DLG2: variants seen among roughly 807,000 people sequenced by gnomAD.
DLG2 encodes the protein disks large homolog 2.
In DLG2, 45 loss-of-function variants were observed where a neutral mutation model predicts 132.5. The ratio of observed to expected loss-of-function variants is 0.34; its 90% CI spans 0.27 to 0.44. DLG2 has a LOEUF of 0.44. DLG2 is among the 20% of genes least tolerant of loss of function. The pLI is 1.00. For missense variants in DLG2, 1,045 were observed against 1,196.9 expected (o/e 0.87, Z 1.87); for synonymous variants, 424 against 419.6 (o/e 1.01, Z -0.13).
intron 2 of DLG2, among the ~76,000 whole-genome samples, chr11:85,617,160 C>T (rs1186286506): frequency 2.6e-5 from 4 of 152,196 alleles, no homozygotes; most frequent in Non-Finnish European, 4.4e-5. Flanking sequence ...TCACGGATTA[C>T]CTGATCCTGT....
intron 5 of DLG2, among the ~76,000 whole-genome samples, chr11:85,149,039 G>A (rs1341076939): frequency 6.6e-6 from 1 of 152,160 alleles, no homozygotes; most frequent in Non-Finnish European, 1.5e-5. Flanking sequence ...TGTCTGGTTT[G>A]TTAAAGATCA....
At chr11:85,234,955 T>TA (rs1421391839) in intron 4 of DLG2, among the ~76,000 whole-genome samples, 1 of 151,998 alleles carries the variant, frequency 6.6e-6, no homozygotes, top group Non-Finnish European at 1.5e-5. Context: ...ATTATCGTGT[T>TA]ACTATATATG....
intron 5 of DLG2, among the ~76,000 whole-genome samples, chr11:85,113,254 A>G (rs1056856970): frequency 6.6e-6 from 1 of 152,066 alleles, no homozygotes; most frequent in Non-Finnish European, 1.5e-5. Flanking sequence ...ACTGTGAAAC[A>G]GTGTTAGTAT....
intron 16 of DLG2, among the ~76,000 whole-genome samples, chr11:83,844,706 T>G (rs1236518420): frequency 6.6e-6 from 1 of 152,052 alleles, no homozygotes; most frequent in Non-Finnish European, 1.5e-5. Context: ...ATCTTCGCAA[T>G]AGATCTCCAG....
chr11:83,718,532 GAAAAAA>G (rs57237354), intron 18 of DLG2, among the ~76,000 whole-genome samples: 8 of 106,300 alleles, frequency 7.5e-5, no homozygotes, highest in South Asian at 3.3e-4. Flanking sequence ...CTCAAAAAAA[GAAAAAA>G]AAAAAAAAAA....
intron 3 of DLG2, among the ~76,000 whole-genome samples, chr11:85,473,011 C>A (rs2093033599): frequency 6.6e-6 from 1 of 152,256 alleles, no homozygotes. Flanking sequence ...TGGTTGCTGG[C>A]ATCTCCAAGT....
intron 11 of DLG2, among the ~76,000 whole-genome samples, chr11:84,058,610 C>T (rs1335697201): frequency 2.0e-5 from 3 of 150,926 alleles, no homozygotes; most frequent in South Asian, 2.1e-4. Flanking sequence ...TCACTTGAGC[C>T]CAGGAGCTTG....
chr11:85,057,329 A>G (rs2063557786), intron 6 of DLG2, among the ~76,000 whole-genome samples: 1 of 151,726 alleles, frequency 6.6e-6, no homozygotes, highest in Non-Finnish European at 1.5e-5. Context: ...GAAATGGGAC[A>G]AGTTACTAAT....
At chr11:83,499,895 A>ATATATATATATATATCTATCTATC (rs1296866569) in intron 21 of DLG2, among the ~76,000 whole-genome samples, 1 of 114,554 alleles carries the variant, frequency 8.7e-6, no homozygotes, top group African/African-American at 3.5e-5. Flanking sequence ...ATATATATAT[A>ATATATATATATATATCTATCTATC]TATCAGTTCT....
intron 6 of DLG2, among the ~76,000 whole-genome samples, chr11:84,906,364 T>C (rs992424293): frequency 6.8e-5 from 10 of 146,062 alleles, no homozygotes; most frequent in African/African-American, 2.5e-4. Context: ...GTGTTGTCCA[T>C]TACCCACAGC....
At chr11:84,708,223 C>G (rs1282329824) in intron 6 of DLG2, among the ~76,000 whole-genome samples, 1 of 151,854 alleles carries the variant, frequency 6.6e-6, no homozygotes, top group African/African-American at 2.4e-5. Context: ...ATAAAAATAT[C>G]TACCTCATAG....
chr11:83,748,104 T>C (rs1283672722), intron 18 of DLG2, among the ~76,000 whole-genome samples: 1 of 152,204 alleles, frequency 6.6e-6, no homozygotes, highest in Non-Finnish European at 1.5e-5. Flanking sequence ...CTGCTTTCCT[T>C]TAGATAGATT....
intron 11 of DLG2, among the ~76,000 whole-genome samples, chr11:84,013,866 C>CAA (rs5793100): frequency 9.4e-5 from 6 of 64,068 alleles, no homozygotes; most frequent in Non-Finnish European, 1.5e-4. Flanking sequence ...GACTGCGTCT[C>CAA]AAAAAAAAAA....
intron 25 of DLG2, among the ~76,000 whole-genome samples, chr11:83,467,806 T>TACAC (rs1176272962): frequency 3.0e-5 from 3 of 100,044 alleles, no homozygotes; most frequent in Non-Finnish European, 4.1e-5. Context: ...TATATATATA[T>TACAC]ATATACACAC....
At chr11:84,191,148 T>C (rs774236396) in intron 8 of DLG2, among the ~76,000 whole-genome samples, 16 of 152,116 alleles carry the variant, frequency 1.1e-4, no homozygotes, top group Non-Finnish European at 2.1e-4. Flanking sequence ...CTGGAGAAAG[T>C]CAGATTTTTT....
At chr11:83,548,822 A>G (rs1222757684) in intron 19 of DLG2, among the ~76,000 whole-genome samples, 2 of 152,170 alleles carry the variant, frequency 1.3e-5, no homozygotes, top group Admixed American at 6.6e-5. Context: ...CTTCTCTAAA[A>G]TTGCAAATCA....
At chr11:84,752,740 C>A (rs1208823995) in intron 6 of DLG2, among the ~76,000 whole-genome samples, 2 of 119,694 alleles carry the variant, frequency 1.7e-5, no homozygotes, top group Non-Finnish European at 3.4e-5. Flanking sequence ...CACTACAGTC[C>A]CCAGAGTGTG....
At chr11:84,379,128 A>C (rs967943841) in intron 7 of DLG2, among the ~76,000 whole-genome samples, 2 of 152,166 alleles carry the variant, frequency 1.3e-5, no homozygotes, top group African/African-American at 4.8e-5. Context: ...TAAACTCTAA[A>C]TAAATGGGGA....
intron 3 of DLG2, among the ~76,000 whole-genome samples, chr11:85,402,500 T>C (rs567289226): frequency 1.3e-5 from 2 of 152,196 alleles, no homozygotes; most frequent in South Asian, 2.1e-4. Flanking sequence ...TGGGATCTAA[T>C]TAAACTAAAG....
Sources: gnomAD v4.1 joint callset for allele counts (sites outside exome capture counted in the v4.1 genomes callset) on GRCh38, gnomAD v4.1.1 for gene constraint, MANE v1.5 for transcripts, NCBI Gene and HGNC (gene_info 2026-07-23, HGNC 2026-07-21) for gene names.